Variants in GRB10 observed in about 807,000 individuals in gnomAD.
GRB10 encodes the protein growth factor receptor bound protein 10.
A neutral mutation model predicts 80.9 loss-of-function variants in GRB10; 20 were observed. The ratio of observed to expected loss-of-function variants is 0.25; its 90% CI spans 0.17 to 0.36. The LOEUF (loss-of-function observed/expected upper bound fraction) is 0.36, where lower values mean the gene tolerates loss of function less well. GRB10 is among the 10% of genes least tolerant of loss of function. The pLI is 1.00. For missense variants in GRB10, 548 were observed against 747.7 expected (o/e 0.73, Z 3.12); for synonymous variants, 291 against 291.5 (o/e 1.00, Z 0.02).
intron 2 of GRB10, among the ~76,000 whole-genome samples, chr7:50,762,884 G>T (rs2075912837): frequency 6.6e-6 from 1 of 152,214 alleles, no homozygotes; most frequent in Non-Finnish European, 1.5e-5. Context: ...TTGGGAGGCT[G>T]AGGCAGGTGG....
At chr7:50,703,669 T>C (rs140967759) in intron 5 of GRB10, 152 bp downstream of exon 5, 2 of 635,680 alleles carry the variant, frequency 3.1e-6, no homozygotes, top group East Asian at 3.2e-5. Flanking sequence ...GATCTTTCTC[T>C]ATTTGGGAAT....
intron 6 of GRB10, among the ~76,000 whole-genome samples, chr7:50,672,068 G>T (rs1320435745): frequency 6.6e-6 from 1 of 152,206 alleles, no homozygotes; most frequent in Non-Finnish European, 1.5e-5. Flanking sequence ...AAAAGCCTGG[G>T]TTCCTTCTCT....
intron 7 of GRB10, among the ~76,000 whole-genome samples, chr7:50,638,658 T>C (rs2055531942): frequency 6.6e-6 from 1 of 152,162 alleles, no homozygotes. Context: ...TGTAAATTAA[T>C]ACAACCTGTA....
At chr7:50,597,563 T>A (rs2046885313) in intron 17 of GRB10, among the ~76,000 whole-genome samples, 1 of 152,268 alleles carries the variant, frequency 6.6e-6, no homozygotes, top group Admixed American at 6.5e-5. Flanking sequence ...AACTATCTGC[T>A]GTCTCCTTCT....
chr7:50,759,077 C>T (rs957847877), intron 2 of GRB10, among the ~76,000 whole-genome samples: 21 of 151,646 alleles, frequency 1.4e-4, no homozygotes, highest in African/African-American at 5.1e-4. Context: ...ACTGTAGTCC[C>T]AGCTACTTAG....
intron 3 of GRB10, among the ~76,000 whole-genome samples, chr7:50,741,534 A>T (rs1165925994): frequency 6.6e-6 from 1 of 151,304 alleles, no homozygotes; most frequent in African/African-American, 2.4e-5. Flanking sequence ...GAAAACCAGA[A>T]ATTAGGAACA....
intron 17 of GRB10, 54 bp downstream of exon 17, chr7:50,603,944 C>G: frequency 7.5e-7 from 1 of 1,326,492 alleles, no homozygotes; most frequent in Non-Finnish European, 1.1e-6. Flanking sequence ...GAACAGATCC[C>G]CAGCACAATA....
chr7:50,632,805 G>C (rs896938148), intron 7 of GRB10, among the ~76,000 whole-genome samples: 3 of 152,134 alleles, frequency 2.0e-5, no homozygotes, highest in African/African-American at 7.2e-5. Flanking sequence ...ACTCTGTTGC[G>C]CAGGAAAGGC....
chr7:50,769,632 G>A (rs2076765881), intron 2 of GRB10, among the ~76,000 whole-genome samples: 1 of 152,118 alleles, frequency 6.6e-6, no homozygotes, highest in Non-Finnish European at 1.5e-5. Context: ...AAGGACCTTT[G>A]TGCTTCAGGA....
intron 7 of GRB10, among the ~76,000 whole-genome samples, chr7:50,656,290 C>T (rs192785655): frequency 6.6e-6 from 1 of 152,312 alleles, no homozygotes; most frequent in East Asian, 1.9e-4. Flanking sequence ...TCTGATCCTC[C>T]GTCCCAGGGC....
In GRB10 at chr7:50,639,280, T is replaced by C. The variant is rs1281034709; in HGVS notation, c.505-12302A>G. 2.6e-5 allele frequency among the ~76,000 whole-genome samples: 4 copies of C among 152,348 alleles called. No homozygotes were observed. The South Asian group carries it at 6.2e-4, about 24-fold the overall frequency. ...TTTTAAAATTCTGCTTTATAATTGA[T>C]AGATTTCAAGTTTGCAGTGAAAATT... is the stretch of plus-strand genomic sequence containing the variant. On this transcript the variant is annotated intron_variant, in intron 7 of 18. Coordinates refer to ENST00000401949, the MANE Select transcript of GRB10 (RefSeq NM_001350814.2).
intron 13 of GRB10, among the ~76,000 whole-genome samples, chr7:50,607,281 G>A (rs1223190393): frequency 6.6e-6 from 1 of 152,130 alleles, no homozygotes; most frequent in Non-Finnish European, 1.5e-5. Context: ...TACAAATGGT[G>A]CCATATACAG....
intron 4 of GRB10, among the ~76,000 whole-genome samples, chr7:50,730,890 T>C (rs1441152946): frequency 6.6e-6 from 1 of 152,162 alleles, no homozygotes; most frequent in Non-Finnish European, 1.5e-5. Flanking sequence ...AAGAGAGACT[T>C]TCCCTTGGGG....
At chr7:50,714,463 AC>A (rs918346200) in intron 4 of GRB10, among the ~76,000 whole-genome samples, 7 of 152,166 alleles carry the variant, frequency 4.6e-5, no homozygotes, top group African/African-American at 1.4e-4. Flanking sequence ...GGAGACTGAG[AC>A]CATTCTGGCT....
At chr7:50,775,970 C>A (rs2077592528) in intron 2 of GRB10, among the ~76,000 whole-genome samples, 1 of 152,194 alleles carries the variant, frequency 6.6e-6, no homozygotes, top group Admixed American at 6.5e-5. Flanking sequence ...AAGGCCTCTC[C>A]TTTGACATAA....
rs371193492 is a variant in GRB10 at position 50,666,867 on chromosome 7, C to T, written c.504+2855G>A. 1.3e-3 allele frequency among the ~76,000 whole-genome samples: 193 copies of T among 152,070 alleles called. 1 individual carries two copies. Among genetic ancestry groups the T allele is most frequent in the African/African-American group, 4.0e-3 (167 of 41,472 alleles). On this transcript the variant is annotated intron_variant, in intron 7 of 18. Coordinates refer to ENST00000401949, the MANE Select transcript of GRB10 (RefSeq NM_001350814.2). ...CATCCTGGCTAACACGGTGAAACCC[C>T]GTCTCTACTAAAAATACAAAAAATT...
At chr7:50,594,582 T>C (rs2046307908) in intron 18 of GRB10, among the ~76,000 whole-genome samples, 1 of 152,196 alleles carries the variant, frequency 6.6e-6, no homozygotes, top group Non-Finnish European at 1.5e-5. Context: ...AGAGTTTGGG[T>C]TCCACAGGAT....
intron 5 of GRB10, among the ~76,000 whole-genome samples, chr7:50,688,764 T>G (rs1586902668): frequency 5.5e-5 from 6 of 109,582 alleles, no homozygotes; most frequent in African/African-American, 3.8e-5. Context: ...AGGCAGTGAG[T>G]GACAAGGGTG....
intron 2 of GRB10, among the ~76,000 whole-genome samples, chr7:50,774,915 G>A (rs548994936): frequency 1.5e-3 from 221 of 151,584 alleles, no homozygotes; most frequent in African/African-American, 5.1e-3. Flanking sequence ...AGGTTGAGGC[G>A]GCCGGACTTC....
Sources: allele counts gnomAD v4.1 joint callset (sites outside exome capture counted in the v4.1 genomes callset), GRCh38; gene constraint gnomAD v4.1.1; transcripts MANE v1.5; gene names NCBI Gene and HGNC (gene_info 2026-07-23, HGNC 2026-07-21).